The following NYAP2 variants were observed in gnomAD, a reference collection of about 807,000 sequenced individuals.
NYAP2 encodes the protein neuronal tyrosine-phosphorylated phosphoinositide-3-kinase adaptor 2, also known as neuronal tyrosine-phosphorylated phosphoinositide-3-kinase adapter 2.
NYAP2 carries 23 observed loss-of-function variants against 50.4 expected under a neutral mutation model. That is an observed-to-expected ratio of 0.46 (90% confidence interval 0.33 to 0.65). NYAP2 has a LOEUF of 0.65. NYAP2 is among the 30% of genes least tolerant of loss of function. The pLI is 0.02. For synonymous variants in NYAP2, 394 were observed against 365.2 expected, an observed-to-expected ratio of 1.08 and a Z score of -0.90; for missense variants, 885 against 861.0, an observed-to-expected ratio of 1.03 and a Z score of -0.35.
intron 4 of NYAP2, among the ~76,000 whole-genome samples, chr2:225,539,473 C>A (rs1691419193): frequency 6.6e-6 from 1 of 152,208 alleles, no homozygotes; most frequent in South Asian, 2.1e-4. Context: ...CAATGTAAAA[C>A]CATTCCTGTT....
chr2:225,662,252 A>G, the NYAP2 span, among the ~76,000 whole-genome samples: 8 of 152,234 alleles, frequency 5.3e-5, no homozygotes, highest in Non-Finnish European at 8.8e-5. Flanking sequence ...AGTTCCATTC[A>G]TCGGTTATTA....
At chr2:225,482,935 G>T (rs186239371) in intron 3 of NYAP2, among the ~76,000 whole-genome samples, 1 of 152,276 alleles carries the variant, frequency 6.6e-6, no homozygotes, top group Non-Finnish European at 1.5e-5. Flanking sequence ...TTTGTGGACT[G>T]TTCAGGACTT....
intron 5 of NYAP2, among the ~76,000 whole-genome samples, chr2:225,610,595 C>T (rs760843967): frequency 3.9e-5 from 6 of 152,126 alleles, no homozygotes; most frequent in Non-Finnish European, 7.4e-5. Context: ...TTCTGTTATA[C>T]ACCAGGGTTT....
chr2:225,588,073 C>T (rs1167376265), intron 5 of NYAP2, among the ~76,000 whole-genome samples: 2 of 151,892 alleles, frequency 1.3e-5, no homozygotes, highest in African/African-American at 4.8e-5. Flanking sequence ...TTAAGGCATG[C>T]ACCACCACAC....
intron 5 of NYAP2, among the ~76,000 whole-genome samples, chr2:225,620,127 A>G (rs1693064407): frequency 6.6e-6 from 1 of 152,214 alleles, no homozygotes; most frequent in African/African-American, 2.4e-5. Context: ...TGTTACTAAA[A>G]TCAATTTTGT....
intron 3 of NYAP2, among the ~76,000 whole-genome samples, chr2:225,473,149 TA>T (rs1200850636): frequency 6.6e-6 from 1 of 152,166 alleles, no homozygotes; most frequent in African/African-American, 2.4e-5. Context: ...CATCGTTTTT[TA>T]TGGCTGCATA....
intron 4 of NYAP2, among the ~76,000 whole-genome samples, chr2:225,523,517 A>T (rs1691102239): frequency 6.6e-6 from 1 of 152,146 alleles, no homozygotes; most frequent in African/African-American, 2.4e-5. Flanking sequence ...CAAGGTAGTG[A>T]AACATCTCTA....
At chr2:225,434,665 G>A (rs1010082648) in intron 3 of NYAP2, among the ~76,000 whole-genome samples, 2 of 152,134 alleles carry the variant, frequency 1.3e-5, no homozygotes, top group Admixed American at 1.3e-4. Context: ...CTCCTCTGAA[G>A]ACTGTACACT....
At chr2:225,459,320 T>C (rs1689786919) in intron 3 of NYAP2, among the ~76,000 whole-genome samples, 1 of 152,244 alleles carries the variant, frequency 6.6e-6, no homozygotes, top group African/African-American at 2.4e-5. Context: ...GTTAGGGTTA[T>C]AGTCAGGATG....
intron 3 of NYAP2, among the ~76,000 whole-genome samples, chr2:225,431,236 G>C (rs1021025568): frequency 6.6e-6 from 1 of 152,138 alleles, no homozygotes; most frequent in Admixed American, 6.5e-5. Flanking sequence ...TAATCCACTT[G>C]GATCAAATAC....
rs1164567615 is a variant in NYAP2 at position 225,531,960 on chromosome 2, TC to T, written c.523+18289del. 3.3e-5 allele frequency among the ~76,000 whole-genome samples: 5 copies of T among 152,346 alleles called. No homozygotes were observed. The East Asian group carries it at 9.6e-4, about 29-fold the overall frequency. Reference sequence around the variant, plus strand: ...ACTAATGTGTTGTTGGCACCATGTATCTTTTACTTTATCCAAATAATATAAA... The same window carrying T: ...ACTAATGTGTTGTTGGCACCATGTATTTTTACTTTATCCAAATAATATAAA... On this transcript the variant is annotated intron_variant, in intron 4 of 6. Coordinates refer to ENST00000636099, the Ensembl canonical transcript of NYAP2.
chr2:225,498,812 T>C (rs1383517566), intron 3 of NYAP2, among the ~76,000 whole-genome samples: 1 of 152,124 alleles, frequency 6.6e-6, no homozygotes, highest in Non-Finnish European at 1.5e-5. Context: ...TTGTTCTCTG[T>C]GACTGAGAGA....
At chr2:225,684,406 C>CT in the NYAP2 span, among the ~76,000 whole-genome samples, 1,312 of 138,740 alleles carry the variant, frequency 9.5e-3, 25 homozygotes, top group African/African-American at 0.03. Context: ...TTCTCTCTCT[C>CT]TTTTTTTTTT....
intron 4 of NYAP2, among the ~76,000 whole-genome samples, chr2:225,533,120 T>C (rs1691286842): frequency 6.6e-6 from 1 of 152,226 alleles, no homozygotes; most frequent in South Asian, 2.1e-4. Context: ...AGATGGCTTC[T>C]CAGAGGAAGT....
intron 5 of NYAP2, among the ~76,000 whole-genome samples, chr2:225,608,585 T>G (rs1692828839): frequency 6.6e-6 from 1 of 152,160 alleles, no homozygotes; most frequent in African/African-American, 2.4e-5. Flanking sequence ...GCTGAACTTA[T>G]TACGGTCCCT....
intron 3 of NYAP2, 47 bp downstream of exon 3, chr2:225,409,148 C>T (rs758793962): frequency 4.6e-5 from 62 of 1,347,702 alleles, no homozygotes; most frequent in Admixed American, 2.1e-4. Flanking sequence ...ATGAGAAAGT[C>T]CATGAGGGCT....
intron 4 of NYAP2, among the ~76,000 whole-genome samples, chr2:225,518,556 AT>A (rs1559202505): frequency 0.22 from 18,250 of 82,126 alleles, 4,993 homozygotes; most frequent in South Asian, 0.34. Flanking sequence ...ATATATATAT[AT>A]ATATATATAT....
intron 4 of NYAP2, among the ~76,000 whole-genome samples, chr2:225,533,837 CCTAA>C (rs1267567739): frequency 2.6e-5 from 4 of 151,942 alleles, no homozygotes; most frequent in Non-Finnish European, 5.9e-5. Flanking sequence ...TAATTTTTTC[CCTAA>C]CTATGTCTAG....
At chr2:225,488,249 A>G (rs1690338125) in intron 3 of NYAP2, among the ~76,000 whole-genome samples, 1 of 152,236 alleles carries the variant, frequency 6.6e-6, no homozygotes, top group Non-Finnish European at 1.5e-5. Context: ...TGCCAGGAAA[A>G]GAATGATAAT....
Sources: gnomAD v4.1 joint callset for allele counts (sites outside exome capture counted in the v4.1 genomes callset) on GRCh38, gnomAD v4.1.1 for gene constraint, MANE v1.5 for transcripts, NCBI Gene and HGNC (gene_info 2026-07-23, HGNC 2026-07-21) for gene names.